The following TRIOBP variants were observed in gnomAD, a reference collection of about 807,000 sequenced individuals.
The protein encoded by TRIOBP is TRIO and F-actin-binding protein.
In TRIOBP, 169 loss-of-function variants were observed where a neutral mutation model predicts 238.8. The observed-to-expected ratio is 0.71, with a 90% CI of 0.62 to 0.80. TRIOBP has a LOEUF of 0.80. TRIOBP is among the 30% of genes least tolerant of loss of function. The pLI, the probability that TRIOBP is intolerant of heterozygous loss-of-function variation, is 0.00. For synonymous variants in TRIOBP, 1,150 were observed against 1,274.4 expected, an observed-to-expected ratio of 0.90 and a Z score of 2.08; for missense variants, 2,838 against 3,122.6, an observed-to-expected ratio of 0.91 and a Z score of 2.17.
Position 37,725,041 on chromosome 22 carries a change from A to G in TRIOBP, c.2485A>G (p.Thr829Ala), listed in dbSNP as rs746961793. Residue 829 changes from threonine (T) to alanine (A), a missense_variant, in exon 7 of 24, where the codon ACC becomes GCC. Thr to Ala is a moderately conservative substitution (Grantham distance 58). Coordinates refer to ENST00000644935, the MANE Select transcript of TRIOBP (RefSeq NM_001039141.3). The stretch of plus-strand genomic sequence containing the variant: ...ACAGAACATCCCCAGATCATCTTCT[A>G]CCCAACAAGACAACCCTAAAACCTC... Reference protein sequence around the residue: ...IQQNIPRSSSTQQDNPKTSCT... With the variant: ...IQQNIPRSSSAQQDNPKTSCT... The G allele has an allele frequency of 6.2e-7, 1 of 1,614,124 alleles. No homozygotes were observed. Among genetic ancestry groups the G allele is most frequent in the Non-Finnish European group, 8.5e-7 (1 of 1,179,982 alleles).
intron 11 of TRIOBP, among the ~76,000 whole-genome samples, chr22:37,742,707 A>G (rs1924996803): frequency 6.6e-6 from 1 of 152,210 alleles, no homozygotes; most frequent in Non-Finnish European, 1.5e-5. Flanking sequence ...CACGTCTGGC[A>G]GGAGGGGGCA....
chr22:37,749,570 G>T (rs1419522880), intron 11 of TRIOBP, among the ~76,000 whole-genome samples: 2 of 152,154 alleles, frequency 1.3e-5, no homozygotes, highest in African/African-American at 2.4e-5. Context: ...GGCCTGAAGA[G>T]CCCTGTATGA....
rs139558897 is a variant in TRIOBP, at chr22:37,710,336, G to A, written c.115-91G>A. On this transcript the variant is annotated intron_variant, in intron 3 of 23. Coordinates refer to ENST00000644935, the MANE Select transcript of TRIOBP (RefSeq NM_001039141.3). ...GCAGGATCCCCCGAGGAGATGCCTG[G>A]AGACTCCCACGCCACCGGGAGGGGC... 208 of 1,575,872 alleles carry A rather than the reference G, an allele frequency of 1.3e-4. 2 individuals are homozygous for A. Among genetic ancestry groups the A allele is most frequent in the Admixed American group, 2.1e-4 (12 of 58,294 alleles).
chr22:37,771,475 G>T (rs1926768948), intron 21 of TRIOBP, among the ~76,000 whole-genome samples, 175 bp from the exon 22 acceptor site: 2 of 152,144 alleles, frequency 1.3e-5, no homozygotes, highest in African/African-American at 4.8e-5. Flanking sequence ...AGGCAAAGCA[G>T]GGGAATCGGA....
At position 37,710,438 on chromosome 22, in the gene TRIOBP, C is replaced by G; in HGVS notation, c.126C>G (p.Ser42Arg). 1 of 1,613,502 alleles carries G rather than the reference C, an allele frequency of 6.2e-7. No homozygotes were observed. ...AHGARYQELR[S>R]PSGAEVPYCD... Reference sequence around the variant, plus strand: ...CAACCCTGGCCCAGGAGCTCAGGAGCCCTTCAGGTGCTGAGGTGCCCTACT... The same window carrying G: ...CAACCCTGGCCCAGGAGCTCAGGAGGCCTTCAGGTGCTGAGGTGCCCTACT... The change falls in exon 4 of 24, where the codon AGC (serine) becomes AGG (arginine). Residue 42 changes from serine (S) to arginine (R), a missense_variant. Coordinates refer to ENST00000644935, the MANE Select transcript of TRIOBP (RefSeq NM_001039141.3).
intron 21 of TRIOBP, among the ~76,000 whole-genome samples, chr22:37,770,913 A>C (rs970107254): frequency 4.9e-5 from 7 of 142,016 alleles, no homozygotes; most frequent in African/African-American, 1.1e-4. Context: ...CAATCTCCTG[A>C]CCTCGTGATC....
intron 7 of TRIOBP, among the ~76,000 whole-genome samples, chr22:37,732,754 G>C (rs1924488913): frequency 6.6e-6 from 1 of 152,158 alleles, no homozygotes; most frequent in Non-Finnish European, 1.5e-5. Context: ...GGAACACGGG[G>C]GCACACAGCA....
chr22:37,757,916 C>T lies in TRIOBP; in HGVS notation c.5991C>T (p.Thr1997=), dbSNP rs1457473707. ...GGTTTGAGGCCACAGACAGCAGGAC[C>T]CCAGAGGTGCCTGCTGGTGAGGGGC... is the stretch of plus-strand genomic sequence containing the variant. ...RKWFEATDSR[T]PEVPAGEGPR... Residue 1997 remains threonine (T), a synonymous_variant, in exon 16 of 24, where the codon ACC becomes ACT. Coordinates refer to ENST00000644935, the MANE Select transcript of TRIOBP (RefSeq NM_001039141.3). The T allele has an allele frequency of 4.3e-5, 67 of 1,554,004 alleles. No homozygotes were observed. Among genetic ancestry groups the T allele is most frequent in the Non-Finnish European group, 5.5e-5 (63 of 1,149,106 alleles).
At chr22:37,737,582 A>T (rs1280523488) in intron 9 of TRIOBP, among the ~76,000 whole-genome samples, 1 of 147,810 alleles carries the variant, frequency 6.8e-6, no homozygotes, top group Non-Finnish European at 1.5e-5. Flanking sequence ...AATGGTGTGA[A>T]CCCGGGAGGT....
At position 37,726,265 on chromosome 22, in the gene TRIOBP, C is replaced by G. The variant is rs769035827; in HGVS notation, c.3709C>G (p.Leu1237Val). The G allele has an allele frequency of 2.5e-6, 4 of 1,612,956 alleles. No homozygotes were observed. The South Asian group carries it at 3.3e-5, about 13-fold the overall frequency. The change falls in exon 7 of 24, where the codon CTA becomes GTA. Residue 1237 changes from leucine to valine, a missense_variant. Leu to Val is a conservative substitution (Grantham distance 32, BLOSUM62 1). Transcript: ENST00000644935. ...SSPPRHPPSD[L>V]AFLAPSPSPG... The stretch of plus-strand genomic sequence containing the variant: ...CCCACCCCGCCACCCACCCAGTGAC[C>G]TAGCGTTCCTGGCACCCTCACCTTC...
chr22:37,734,303 G>GAC (rs907534670), intron 8 of TRIOBP, 96 bp from the exon 9 acceptor site: 2 of 1,188,148 alleles, frequency 1.7e-6, no homozygotes, highest in Non-Finnish European at 2.5e-6. Context: ...CTGCTGTGTG[G>GAC]ACACAGCCTT....
rs372703303 is a variant in TRIOBP at position 37,765,708 on chromosome 22, G to T, written c.6363G>T (p.Ser2121=). 6.4e-7 allele frequency: 1 copy of T among 1,555,562 alleles called. No individual in the cohort carries two copies. Among genetic ancestry groups the T allele is most frequent in the South Asian group, 1.2e-5 (1 of 84,412 alleles). Residue 2121 remains serine, a synonymous_variant, in exon 18 of 24, where the codon TCG becomes TCT. Transcript: ENST00000644935. ...CERSLAEMES[S]HQQVMEELQR... is the part of the protein sequence containing the mutation. Reference sequence around the variant, plus strand: ...GCAGCCTGGCAGAGATGGAGTCCTCGCACCAGCAGGTGATGGAGGAGCTGC... The same window carrying T: ...GCAGCCTGGCAGAGATGGAGTCCTCTCACCAGCAGGTGATGGAGGAGCTGC...
At chr22:37,709,641 AG>A (rs1378464991) in intron 3 of TRIOBP, among the ~76,000 whole-genome samples, 1 of 152,112 alleles carries the variant, frequency 6.6e-6, no homozygotes, top group Non-Finnish European at 1.5e-5. Flanking sequence ...TCCCACCACC[AG>A]GGGAGGGAAC....
At position 37,769,352 on chromosome 22, in the gene TRIOBP, G is replaced by A. The variant is rs759769386; in HGVS notation, c.6826G>A (p.Glu2276Lys). 28 of 1,608,684 alleles carry A rather than the reference G, an allele frequency of 1.7e-5. No individual in the cohort carries two copies. The highest frequency in any genetic ancestry group is 4.5e-5 in the East Asian group (2 of 44,696). ...GMGNGCGRSNERSSCELEVLL... is the reference protein window; with the variant it reads ...GMGNGCGRSNKRSSCELEVLL... ...GGGCAATGGCTGCGGGCGCAGCAACGAGCGGAGTTCCTGCGAGCTAGAGGT... is the reference window on the plus strand; with the variant it reads ...GGGCAATGGCTGCGGGCGCAGCAACAAGCGGAGTTCCTGCGAGCTAGAGGT... The change falls in exon 21 of 24, where the codon GAG becomes AAG. Residue 2276 changes from glutamate (E) to lysine (K), a missense_variant. Coordinates refer to ENST00000644935, the MANE Select transcript of TRIOBP (RefSeq NM_001039141.3).
At position 37,743,507 on chromosome 22, in the gene TRIOBP, G is replaced by A. The variant is rs865938930; in HGVS notation, c.5322+2475G>A. On this transcript the variant is annotated intron_variant, in intron 11 of 23. Coordinates refer to ENST00000644935, the MANE Select transcript of TRIOBP (RefSeq NM_001039141.3). ...ATTGGTGCATTCATTCATTCGAGCC[G>A]TGCTTACGGAGGATGTGCTGTGGGC... Among the ~76,000 whole-genome samples, 26 of 152,290 alleles carry A rather than the reference G, an allele frequency of 1.7e-4. 1 individual carries two copies. The highest frequency in any genetic ancestry group is 6.8e-3 in the Middle Eastern group (2 of 294).
rs1287373841 is a variant in TRIOBP, at chr22:37,710,440, C to T, written c.128C>T (p.Pro43Leu). 1 of 1,613,580 alleles carries T rather than the reference C, an allele frequency of 6.2e-7. No homozygotes were observed. Among genetic ancestry groups the T allele is most frequent in the Non-Finnish European group, 8.5e-7 (1 of 1,180,012 alleles). ...ACCCTGGCCCAGGAGCTCAGGAGCC[C>T]TTCAGGTGCTGAGGTGCCCTACTGC... The part of the protein sequence containing the change: ...HGARYQELRS[P>L]SGAEVPYCDL... Residue 43 changes from proline (P) to leucine (L), a missense_variant, in exon 4 of 24, where the codon CCT becomes CTT. By Grantham distance (98) the Pro-to-Leu change is moderately conservative. Around this residue, in one of 5 missense-constraint regions of TRIOBP, gnomAD observed 535 missense variants for 537.3 expected, o/e 1.00. Transcript: ENST00000644935.
intron 3 of TRIOBP, among the ~76,000 whole-genome samples, chr22:37,701,697 A>G (rs1347198374): frequency 6.6e-6 from 1 of 152,240 alleles, no homozygotes; most frequent in Non-Finnish European, 1.5e-5. Flanking sequence ...GATTGTTACC[A>G]TAGCCTTATC....
At chr22:37,759,395 A>G (rs755143827) in intron 17 of TRIOBP, 131 bp downstream of exon 17, 1 of 1,269,538 alleles carries the variant, frequency 7.9e-7, no homozygotes, top group Non-Finnish European at 1.2e-6. Context: ...GACATGCGTC[A>G]TCTCATTTAC....
intron 17 of TRIOBP, among the ~76,000 whole-genome samples, chr22:37,764,677 C>CA (rs1290828693): frequency 6.6e-5 from 10 of 152,236 alleles, no homozygotes; most frequent in Admixed American, 4.6e-4. Context: ...ACCCCCAACA[C>CA]ACACCGTTGT....
Sources: gnomAD v4.1 joint callset for allele counts (sites outside exome capture counted in the v4.1 genomes callset) on GRCh38, gnomAD v4.1.1 for gene constraint, gnomAD v4.1.1 regional missense constraint, MANE v1.5 for transcripts, NCBI Gene and HGNC (gene_info 2026-07-23, HGNC 2026-07-21) for gene names.